Variants in SHTN1 observed in about 807,000 individuals in gnomAD.
SHTN1 encodes shootin 1.
In SHTN1, 42 loss-of-function variants were observed where a neutral mutation model predicts 83.1. The ratio of observed to expected loss-of-function variants is 0.51; its 90% CI spans 0.39 to 0.65. SHTN1 has a LOEUF of 0.65. SHTN1 is among the 30% of genes least tolerant of loss of function. The probability of loss-of-function intolerance (pLI) is 0.00; values close to 1 mark genes in which losing one functional copy is unlikely to be tolerated. For missense variants in SHTN1, 622 were observed against 737.8 expected, an observed-to-expected ratio of 0.84 and a Z score of 1.82; for synonymous variants, 224 against 247.7, an observed-to-expected ratio of 0.90 and a Z score of 0.90.
At chr10:117,058,863 A>C (rs2133593935) in intron 1 of SHTN1, among the ~76,000 whole-genome samples, 1 of 152,354 alleles carries the variant, frequency 6.6e-6, no homozygotes, top group East Asian at 1.9e-4. Context: ...ACTTGAGGGC[A>C]TTAGGCTAAG....
chr10:117,015,105 C>T (rs966162661), intron 2 of SHTN1, among the ~76,000 whole-genome samples: 2 of 151,908 alleles, frequency 1.3e-5, no homozygotes, highest in Non-Finnish European at 1.5e-5. Flanking sequence ...GACTGATTTG[C>T]AGGTCCTTCA....
chr10:117,080,913 A>G (rs1488818750), intron 1 of SHTN1, among the ~76,000 whole-genome samples: 1 of 146,248 alleles, frequency 6.8e-6, no homozygotes, highest in Non-Finnish European at 1.5e-5. Context: ...GAAGTTGCTT[A>G]TCAGCTTAAG....
intron 1 of SHTN1, among the ~76,000 whole-genome samples, chr10:117,090,533 G>A (rs1853413967): frequency 6.6e-6 from 1 of 152,156 alleles, no homozygotes; most frequent in African/African-American, 2.4e-5. Flanking sequence ...CTTAAAAATG[G>A]TTAAGATGGT....
intron 1 of SHTN1, among the ~76,000 whole-genome samples, chr10:117,098,989 C>CAAACAT: frequency 6.7e-6 from 1 of 150,210 alleles, no homozygotes; most frequent in East Asian, 2.0e-4. Context: ...TAATGTTCCA[C>CAAACAT]AAAGAAAATG....
intron 1 of SHTN1, among the ~76,000 whole-genome samples, chr10:117,123,907 CAAAA>C (rs368750401): frequency 1.2e-5 from 1 of 81,380 alleles, no homozygotes; most frequent in Admixed American, 1.2e-4. Context: ...CCCTGTCTCA[CAAAA>C]AAAAAAAAAA....
chr10:116,939,797 T>TAGTATA (rs1430220521), intron 9 of SHTN1, among the ~76,000 whole-genome samples: 1 of 152,176 alleles, frequency 6.6e-6, no homozygotes, highest in African/African-American at 2.4e-5. Flanking sequence ...ACATTATAAG[T>TAGTATA]AGTATAAACA....
chr10:116,974,107 A>T (rs1850710390), intron 2 of SHTN1: 14 of 1,078,518 alleles, frequency 1.3e-5, no homozygotes, highest in Non-Finnish European at 1.6e-5. Context: ...ACAGGCAAAA[A>T]AGAAGTGGTA....
intron 1 of SHTN1, among the ~76,000 whole-genome samples, chr10:116,989,182 A>G (rs1253600802): frequency 6.6e-6 from 1 of 152,194 alleles, no homozygotes; most frequent in Non-Finnish European, 1.5e-5. Context: ...TGAGTTTCAG[A>G]TTTACAGTAA....
chr10:117,045,208 C>T (rs185368839), intron 2 of SHTN1, among the ~76,000 whole-genome samples: 2 of 152,250 alleles, frequency 1.3e-5, no homozygotes, highest in East Asian at 3.9e-4. Context: ...GAAATCTTCT[C>T]CTTAAAAGCA....
chr10:117,003,828 T>C (rs1032918647), intron 1 of SHTN1, among the ~76,000 whole-genome samples: 7 of 152,198 alleles, frequency 4.6e-5, no homozygotes, highest in African/African-American at 1.7e-4. Context: ...GAAAAGTACA[T>C]GTTCCTACAC....
intron 1 of SHTN1, among the ~76,000 whole-genome samples, chr10:117,111,070 C>A (rs995860366): frequency 1.3e-5 from 2 of 151,718 alleles, no homozygotes; most frequent in Admixed American, 1.3e-4. Flanking sequence ...TGGTGGCACA[C>A]GCCTGTAGTC....
chr10:116,986,662 A>C (rs1412278957), intron 1 of SHTN1, among the ~76,000 whole-genome samples: 3 of 150,298 alleles, frequency 2.0e-5, no homozygotes, highest in African/African-American at 7.4e-5. Context: ...CAGGAGAATC[A>C]TTTGAGCTCA....
At chr10:116,891,583 T>A (rs1309086486) in intron 16 of SHTN1, among the ~76,000 whole-genome samples, 1 of 152,228 alleles carries the variant, frequency 6.6e-6, no homozygotes. Context: ...TCCTTTTATA[T>A]TTTCTCTGGT....
intron 1 of SHTN1, among the ~76,000 whole-genome samples, chr10:117,074,167 GT>G (rs2133605409): frequency 6.6e-6 from 1 of 152,104 alleles, no homozygotes; most frequent in Non-Finnish European, 1.5e-5. Context: ...AAAGCTAATA[GT>G]CTCTAACTAC....
intron 1 of SHTN1, among the ~76,000 whole-genome samples, chr10:117,049,218 C>A (rs2133586770): frequency 6.6e-6 from 1 of 152,212 alleles, no homozygotes; most frequent in Non-Finnish European, 1.5e-5. Flanking sequence ...CCAACCACAG[C>A]CTTAACCAAT....
intron 16 of SHTN1, among the ~76,000 whole-genome samples, chr10:116,891,238 G>A (rs1476104734): frequency 6.6e-6 from 1 of 152,240 alleles, no homozygotes; most frequent in Non-Finnish European, 1.5e-5. Flanking sequence ...AAAGCTGATT[G>A]CCAAACAGTA....
At chr10:117,043,177 A>C (rs1353132819) in intron 2 of SHTN1, among the ~76,000 whole-genome samples, 1 of 151,712 alleles carries the variant, frequency 6.6e-6, no homozygotes, top group Non-Finnish European at 1.5e-5. Flanking sequence ...TCTGTCGCCC[A>C]GGCTGGAGTG....
At chr10:116,939,537 A>G (rs1339484635) in intron 9 of SHTN1, among the ~76,000 whole-genome samples, 2 of 152,160 alleles carry the variant, frequency 1.3e-5, no homozygotes, top group African/African-American at 4.8e-5. Context: ...CGGGTACCCA[A>G]TGCAGAAATC....
intron 9 of SHTN1, among the ~76,000 whole-genome samples, chr10:116,930,699 C>T (rs1369452049): frequency 4.6e-5 from 7 of 152,088 alleles, no homozygotes; most frequent in Non-Finnish European, 1.0e-4. Flanking sequence ...TATGTGTGCA[C>T]GTGTCTTTAT....
Sources: allele counts gnomAD v4.1 joint callset (sites outside exome capture counted in the v4.1 genomes callset), GRCh38; gene constraint gnomAD v4.1.1; transcripts MANE v1.5; gene names NCBI Gene and HGNC (gene_info 2026-07-23, HGNC 2026-07-21).